ERICH6B: variants seen among roughly 807,000 people sequenced by gnomAD.
ERICH6B encodes glutamate rich 6B.
Under a neutral mutation model 80.0 loss-of-function variants are expected in ERICH6B, and 69 were observed. The observed-to-expected ratio is 0.86, with a 90% confidence interval of 0.71 to 1.05. The LOEUF (loss-of-function observed/expected upper bound fraction) is 1.05. Ranked by LOEUF, ERICH6B falls within the 50% of genes least tolerant of loss-of-function variation. The pLI is 0.00. For missense variants in ERICH6B, 754 were observed against 796.1 expected, an observed-to-expected ratio of 0.95 and a Z score of 0.64; for synonymous variants, 283 against 291.9, an observed-to-expected ratio of 0.97 and a Z score of 0.31.
rs140782618 is a variant in ERICH6B, at chr13:45,574,808, T to TGG, written c.1050+32_1050+33dup. On this transcript the variant is annotated intron_variant, in intron 8 of 14. Coordinates refer to ENST00000298738, the MANE Select transcript of ERICH6B (RefSeq NM_182542.3). ...GGGCCACCCTACATTTGGAGGAAGC[T>TGG]GGGGGGGGGGTCTCAAGTTTTTATC... is the stretch of plus-strand genomic sequence containing the variant. 0.015 allele frequency: 19,974 copies of TGG among 1,327,186 alleles called. 740 individuals carry two copies. In the African/African-American group the frequency reaches 0.19, roughly 12 times the overall value. The allele number at this position is 1,327,186 out of a possible 1,614,324, so 82.2% of individuals were successfully genotyped here.
rs1391994281 is a variant in ERICH6B at position 45,615,006 on chromosome 13, T to A, written c.-111+679A>T. On this transcript the variant is annotated intron_variant, in intron 1 of 14. Transcript: ENST00000298738. ...CACTATAGACACCCAGTGCACTCAT[T>A]ACAACATCATTTCCTAGGACCTTTT... Among the ~76,000 whole-genome samples the A allele has an allele frequency of 5.3e-5, 8 of 152,378 alleles. No individual in the cohort carries two copies. In the East Asian group the frequency reaches 1.5e-3, roughly 29 times the overall value.
chr13:45,615,367 G>T (rs1949922160), intron 1 of ERICH6B, among the ~76,000 whole-genome samples: 1 of 152,222 alleles, frequency 6.6e-6, no homozygotes, highest in Non-Finnish European at 1.5e-5. Context: ...TCCCCCCAGA[G>T]CTAGGGGCTC....
At position 45,606,525 on chromosome 13, in the gene ERICH6B, ATATATATATATATATATATATATTTT is replaced by A. The variant is rs1566307743; in HGVS notation, c.-59+1013_-59+1038del. On this transcript the variant is annotated intron_variant, in intron 2 of 14. Transcript: ENST00000298738. Reference sequence around the variant, plus strand: ...TATGTGTATATATATATATATATATATATATATATATATATATATATATTTTTTTTTTTTTTTTTTTTTTTGGAGAC... The same window carrying A: ...TATGTGTATATATATATATATATATATTTTTTTTTTTTTTTTTTTGGAGAC... Among the ~76,000 whole-genome samples the A allele has an allele frequency of 4.4e-4, 14 of 32,050 alleles. No homozygotes were observed. In the South Asian group the frequency reaches 9.5e-3, roughly 22 times the overall value. The allele number at this position is 32,050 out of a possible 152,430, so 21.0% of individuals were successfully genotyped here.
At chr13:45,607,089 G>C (rs1949871682) in intron 2 of ERICH6B, among the ~76,000 whole-genome samples, 1 of 152,136 alleles carries the variant, frequency 6.6e-6, no homozygotes, top group African/African-American at 2.4e-5. Context: ...GTGAGTCTTA[G>C]TATTTCTGCA....
chr13:45,551,740 C>T (rs1874231580), intron 11 of ERICH6B: 1 of 152,158 alleles, frequency 6.6e-6, no homozygotes, highest in African/African-American at 2.4e-5. Context: ...GGACTCTAAC[C>T]TCATCAGTAG....
chr13:45,546,309 G>A (rs956474460), intron 13 of ERICH6B, among the ~76,000 whole-genome samples: 24 of 152,154 alleles, frequency 1.6e-4, no homozygotes, highest in African/African-American at 5.6e-4. Context: ...TGCCCTTGGG[G>A]CAGCAACATC....
chr13:45,577,654 C>T (rs1467920906), intron 7 of ERICH6B, among the ~76,000 whole-genome samples: 1 of 152,078 alleles, frequency 6.6e-6, no homozygotes, highest in Non-Finnish European at 1.5e-5. Flanking sequence ...CTCTCTGTAG[C>T]CCAGGCTGAA....
At chr13:45,588,605 A>G (rs549134307) in intron 4 of ERICH6B, among the ~76,000 whole-genome samples, 1 of 152,346 alleles carries the variant, frequency 6.6e-6, no homozygotes, top group Admixed American at 6.5e-5. Context: ...CACAGAGATG[A>G]TGCCAGTCCT....
Position 45,598,464 on chromosome 13 carries a change from G to A in ERICH6B, c.-58-1401C>T, listed in dbSNP as rs1876496372. Among the ~76,000 whole-genome samples, 3 of 152,142 alleles carry A rather than the reference G, an allele frequency of 2.0e-5. No homozygotes were observed. The South Asian group carries it at 6.2e-4, about 32-fold the overall frequency. ...ACCAGAATCCTTCTGCTTGCTTTGGGGACTTAAGAGATACATATCTTGGCC... is the reference window on the plus strand; with the variant it reads ...ACCAGAATCCTTCTGCTTGCTTTGGAGACTTAAGAGATACATATCTTGGCC... On this transcript the variant is annotated intron_variant, in intron 2 of 14. Coordinates refer to ENST00000298738, the MANE Select transcript of ERICH6B (RefSeq NM_182542.3).
chr13:45,591,339 G>A (rs953743012), intron 3 of ERICH6B, among the ~76,000 whole-genome samples: 5 of 152,228 alleles, frequency 3.3e-5, no homozygotes, highest in African/African-American at 1.2e-4. Context: ...GCTCATGCCT[G>A]TAATCCCAGC....
intron 3 of ERICH6B, among the ~76,000 whole-genome samples, chr13:45,594,212 C>G (rs9567557): frequency 0.17 from 25,502 of 152,022 alleles, 2,426 homozygotes; most frequent in African/African-American, 0.25. Context: ...ATCTTGAAAC[C>G]CTAGAATTTC....
Position 45,606,680 on chromosome 13 carries a change from A to C in ERICH6B, c.-59+884T>G, listed in dbSNP as rs926559540. Among the ~76,000 whole-genome samples, 8 of 149,666 alleles carry C rather than the reference A, an allele frequency of 5.3e-5. No homozygotes were observed. The East Asian group carries it at 1.6e-3, about 30-fold the overall frequency. Reference sequence around the variant, plus strand: ...GCGATTCTCCTGCTTCAGCCTCCCAAGTAGCTGGGACTACAGGTGCCCATC... The same window carrying C: ...GCGATTCTCCTGCTTCAGCCTCCCACGTAGCTGGGACTACAGGTGCCCATC... On this transcript the variant is annotated intron_variant, in intron 2 of 14. Transcript: ENST00000298738.
At chr13:45,583,190 A>G (rs1411157635) in intron 5 of ERICH6B, among the ~76,000 whole-genome samples, 2 of 152,240 alleles carry the variant, frequency 1.3e-5, no homozygotes, top group Non-Finnish European at 2.9e-5. Flanking sequence ...GTAAGTCAAA[A>G]TTAAATAGCA....
At chr13:45,580,815 CAT>C in intron 5 of ERICH6B, 150 bp from the exon 6 acceptor site, 1 of 697,648 alleles carries the variant, frequency 1.4e-6, no homozygotes, top group South Asian at 1.8e-5. Context: ...GCACAGCTGG[CAT>C]ATATAGATGC....
intron 5 of ERICH6B, among the ~76,000 whole-genome samples, chr13:45,581,294 C>T (rs1188508514): frequency 6.6e-6 from 1 of 152,192 alleles, no homozygotes. Context: ...TAGTGTTTGT[C>T]TTCCTACTCC....
Position 45,544,889 on chromosome 13 carries a change from G to A in ERICH6B, c.1743C>T (p.Pro581=), listed in dbSNP as rs1414045925. Residue 581 remains proline, a synonymous_variant, in exon 14 of 15, where the codon CCC becomes CCT. Transcript: ENST00000298738. ...TTTTCAAGGAGATGGGCTGGACAGG[G>A]GGTGCGTGGACATGGATGTTCAGAT... The part of the protein sequence containing the change: ...WWNLNIHVHA[P]PVQPISLKIN... 1.5e-5 allele frequency: 23 copies of A among 1,551,612 alleles called. No individual in the cohort carries two copies. The East Asian group carries it at 5.1e-4, about 35-fold the overall frequency.
At position 45,561,453 on chromosome 13, in the gene ERICH6B, T is replaced by G. The variant is rs1874674094; in HGVS notation, c.1323A>C (p.Thr441=). 1 of 1,552,142 alleles carries G rather than the reference T, an allele frequency of 6.4e-7. No homozygotes were observed. Among genetic ancestry groups the G allele is most frequent in the Non-Finnish European group, 8.7e-7 (1 of 1,147,124 alleles). Residue 441 remains threonine, a synonymous_variant, in exon 11 of 15, where the codon ACA becomes ACC. Coordinates refer to ENST00000298738, the MANE Select transcript of ERICH6B (RefSeq NM_182542.3). ...CACGTTGAGGCTTTTGGATTTCTTC[T>G]GTCTCAGGCTTCTCAGGTGTTGGTT... ...MSKPTPEKPE[T]EEIQKPQRVV...
intron 2 of ERICH6B, among the ~76,000 whole-genome samples, chr13:45,606,547 A>AGT (rs1410104951): frequency 1.4e-3 from 23 of 16,616 alleles, no homozygotes; most frequent in African/African-American, 3.7e-3. Context: ...ATATATATAT[A>AGT]TTTTTTTTTT....
At chr13:45,589,416 G>A (rs898833928) in intron 4 of ERICH6B, among the ~76,000 whole-genome samples, 19 of 152,334 alleles carry the variant, frequency 1.2e-4, no homozygotes, top group African/African-American at 4.3e-4. Context: ...CTACCTGGCG[G>A]TTCGTGGGGT....
Sources: allele counts gnomAD v4.1 joint callset (sites outside exome capture counted in the v4.1 genomes callset), GRCh38; gene constraint gnomAD v4.1.1; transcripts MANE v1.5; gene names NCBI Gene and HGNC (gene_info 2026-07-23, HGNC 2026-07-21).